ANK3: variants seen among roughly 807,000 people sequenced by gnomAD.
ANK3 encodes ankyrin 3, also known as ankyrin-3.
A neutral mutation model predicts 370.9 loss-of-function variants in ANK3; 57 were observed. The ratio of observed to expected loss-of-function variants is 0.15; its 90% CI spans 0.12 to 0.19. ANK3 has a LOEUF of 0.19. Among genes scored for constraint, ANK3 ranks in the 10% least tolerant of loss-of-function variants. The probability of loss-of-function intolerance (pLI) is 1.00; values close to 1 mark genes in which losing one functional copy is unlikely to be tolerated. For synonymous variants in ANK3, 1,929 were observed against 1,946.3 expected (o/e 0.99, Z 0.23); for missense variants, 4,439 against 5,302.1 (o/e 0.84, Z 5.06).
chr10:60,613,876 C>A (rs143903722), intron 2 of ANK3, among the ~76,000 whole-genome samples: 1 of 152,194 alleles, frequency 6.6e-6, no homozygotes, highest in East Asian at 1.9e-4. Context: ...GAGTTCGAGA[C>A]CAGCCTGGCC....
chr10:60,468,769 A>G (rs1483673142), intron 2 of ANK3, among the ~76,000 whole-genome samples: 1 of 151,810 alleles, frequency 6.6e-6, no homozygotes, highest in East Asian at 1.9e-4. Flanking sequence ...ATAATATATT[A>G]TATCACTCAA....
intron 23 of ANK3, among the ~76,000 whole-genome samples, chr10:60,150,106 T>C (rs1179286878): frequency 6.6e-6 from 1 of 152,188 alleles, no homozygotes; most frequent in Non-Finnish European, 1.5e-5. Context: ...CCCTTCATCC[T>C]TCACCACTCC....
At chr10:60,360,104 G>A (rs1230226005) in intron 1 of ANK3, among the ~76,000 whole-genome samples, 1 of 152,120 alleles carries the variant, frequency 6.6e-6, no homozygotes, top group Non-Finnish European at 1.5e-5. Flanking sequence ...TAGTTATAGA[G>A]CTTCTTAACC....
intron 1 of ANK3, among the ~76,000 whole-genome samples, chr10:60,699,559 T>C (rs1589047431): frequency 1.3e-5 from 2 of 152,000 alleles, no homozygotes; most frequent in East Asian, 1.9e-4. Context: ...CCTATGTTCA[T>C]AGAAAATTTT....
chr10:60,584,995 C>T (rs181724846), intron 2 of ANK3, among the ~76,000 whole-genome samples: 6 of 152,238 alleles, frequency 3.9e-5, no homozygotes, highest in African/African-American at 7.2e-5. Context: ...ATTCCTAAAA[C>T]GAAGGGGCAT....
chr10:60,561,732 C>A (rs1266478204), intron 2 of ANK3, among the ~76,000 whole-genome samples: 2 of 152,196 alleles, frequency 1.3e-5, no homozygotes, highest in Non-Finnish European at 2.9e-5. Context: ...AGCCTGAGCA[C>A]CACAAGGCCT....
At chr10:60,445,075 G>T (rs1567046605) in intron 2 of ANK3, among the ~76,000 whole-genome samples, 2 of 152,104 alleles carry the variant, frequency 1.3e-5, no homozygotes, top group Non-Finnish European at 2.9e-5. Context: ...AAAAATTAAT[G>T]CAATATTCTA....
intron 1 of ANK3, among the ~76,000 whole-genome samples, chr10:60,650,954 G>C (rs1234641163): frequency 1.3e-5 from 2 of 152,122 alleles, no homozygotes; most frequent in African/African-American, 2.4e-5. Context: ...AAAATAGCCA[G>C]ATGTGGTGGC....
chr10:60,463,096 G>A (rs987706166), intron 2 of ANK3, among the ~76,000 whole-genome samples: 2 of 151,984 alleles, frequency 1.3e-5, no homozygotes, highest in Admixed American at 1.3e-4. Flanking sequence ...TAGAGACTGG[G>A]TTTCACCACC....
chr10:60,536,218 AGATGGT>A (rs1230477055), intron 2 of ANK3, among the ~76,000 whole-genome samples: 1 of 152,064 alleles, frequency 6.6e-6, no homozygotes, highest in Non-Finnish European at 1.5e-5. Context: ...ATTTCTGTTG[AGATGGT>A]GATCACTGAT....
intron 1 of ANK3, among the ~76,000 whole-genome samples, chr10:60,348,347 C>CAAAAAAAAAAAAAAAAAAAAAAAA (rs35147179): frequency 8.8e-5 from 6 of 68,170 alleles, no homozygotes; most frequent in Admixed American, 3.5e-4. Flanking sequence ...TATCACTAGC[C>CAAAAAAAAAAAAAAAAAAAAAAAA]AAAAAAAAAA....
At chr10:60,130,984 A>G (rs1177383075) in intron 25 of ANK3, among the ~76,000 whole-genome samples, 1 of 152,222 alleles carries the variant, frequency 6.6e-6, no homozygotes, top group East Asian at 1.9e-4. Context: ...TCAACAATTA[A>G]CATTGCTATA....
Position 60,085,259 on chromosome 10 carries a change from A to G in ANK3, c.3749-6T>C. On this transcript the variant is annotated splice_polypyrimidine_tract_variant and splice_region_variant and intron_variant, in intron 30 of 43. Transcript: ENST00000280772. ...CTGAGCAGGCGAAGTGCCCCCTGAG[A>G]GAACAACAGCAGATATGTTGACTTT... The G allele has an allele frequency of 6.2e-7, 1 of 1,604,280 alleles. No homozygotes were observed. The highest frequency in any genetic ancestry group is 8.5e-7 in the Non-Finnish European group (1 of 1,173,358).
intron 2 of ANK3, among the ~76,000 whole-genome samples, chr10:60,599,785 C>G (rs1223157452): frequency 6.6e-6 from 1 of 152,178 alleles, no homozygotes; most frequent in African/African-American, 2.4e-5. Context: ...CTGATTAAAG[C>G]CATCTAGAGA....
intron 2 of ANK3, among the ~76,000 whole-genome samples, chr10:60,504,775 C>T (rs981035750): frequency 1.3e-5 from 2 of 152,024 alleles, no homozygotes; most frequent in African/African-American, 4.8e-5. Context: ...GGTCAAATTT[C>T]ATCAATATCA....
At chr10:60,396,055 C>G (rs529838221) in intron 2 of ANK3, among the ~76,000 whole-genome samples, 3 of 152,138 alleles carry the variant, frequency 2.0e-5, no homozygotes, top group Non-Finnish European at 4.4e-5. Flanking sequence ...CCCTTTACGC[C>G]CTGGCTACTA....
At chr10:60,519,183 G>C (rs915482460) in intron 2 of ANK3, among the ~76,000 whole-genome samples, 1 of 152,110 alleles carries the variant, frequency 6.6e-6, no homozygotes, top group African/African-American at 2.4e-5. Flanking sequence ...CAATGCCCCG[G>C]GTGAGACATT....
intron 1 of ANK3, among the ~76,000 whole-genome samples, chr10:60,345,020 G>T (rs979057414): frequency 2.0e-5 from 3 of 152,146 alleles, no homozygotes; most frequent in Non-Finnish European, 4.4e-5. Flanking sequence ...GGGTTTGCTA[G>T]TAAATGTCCT....
At chr10:60,085,381 G>C in intron 30 of ANK3, 128 bp from the exon 31 acceptor site, 1 of 600,716 alleles carries the variant, frequency 1.7e-6, no homozygotes, top group Non-Finnish European at 2.9e-6. Flanking sequence ...CAGTTTAATA[G>C]TGTGTACTAA....
Sources: gnomAD v4.1 joint callset for allele counts (sites outside exome capture counted in the v4.1 genomes callset) on GRCh38, gnomAD v4.1.1 for gene constraint, MANE v1.5 for transcripts, NCBI Gene and HGNC (gene_info 2026-07-23, HGNC 2026-07-21) for gene names.